The following NWD2 variants were observed in gnomAD, a reference collection of about 807,000 sequenced individuals.
The protein encoded by NWD2 is NACHT and WD repeat domain-containing protein 2.
NWD2 carries 37 observed loss-of-function variants against 132.7 expected under a neutral mutation model. That is an observed-to-expected ratio of 0.28 (90% CI 0.21 to 0.37). The LOEUF is 0.37. Ranked by LOEUF, NWD2 falls within the 10% of genes least tolerant of loss-of-function variation. The pLI, the probability that NWD2 is intolerant of heterozygous loss-of-function variation, is 1.00. For missense variants in NWD2, 1,592 were observed against 2,122.4 expected, an observed-to-expected ratio of 0.75 and a Z score of 4.91; for synonymous variants, 705 against 803.0, an observed-to-expected ratio of 0.88 and a Z score of 2.06.
At chr4:37,339,968 T>C (rs887723511) in intron 2 of NWD2, among the ~76,000 whole-genome samples, 4 of 151,484 alleles carry the variant, frequency 2.6e-5, no homozygotes, top group African/African-American at 9.7e-5. Flanking sequence ...TTTTTTTTTT[T>C]CACTGAAGAT....
intron 3 of NWD2, among the ~76,000 whole-genome samples, chr4:37,412,575 C>G (rs543843030): frequency 6.6e-6 from 1 of 152,222 alleles, no homozygotes; most frequent in South Asian, 2.1e-4. Flanking sequence ...TTTATAGATA[C>G]AATGCTATCC....
Position 37,430,716 on chromosome 4 carries a change from G to A in NWD2, c.502G>A (p.Val168Met), listed in dbSNP as rs1328182426. Residue 168 changes from valine to methionine, a missense_variant, in exon 4 of 7, where the codon GTG becomes ATG. Val to Met is a conservative substitution (Grantham distance 21). Coordinates refer to ENST00000309447, the MANE Select transcript of NWD2 (RefSeq NM_001144990.2). ...GTGGTACTGTCGAGATGAGAACTCG[G>A]TGCCAGCAGCCTATTACCTCAGACC... ...EEWYCRDENS[V>M]PAAYYLRPKS... The A allele has an allele frequency of 3.2e-6, 5 of 1,551,652 alleles. No individual in the cohort carries two copies. The East Asian group carries it at 1.2e-4, about 38-fold the overall frequency.
chr4:37,342,374 G>T (rs934894343), intron 2 of NWD2, among the ~76,000 whole-genome samples: 2 of 152,010 alleles, frequency 1.3e-5, no homozygotes, highest in Non-Finnish European at 2.9e-5. Context: ...AGATGCTGGC[G>T]CTATGCTCAT....
intron 3 of NWD2, among the ~76,000 whole-genome samples, chr4:37,430,086 G>C (rs943785171): frequency 6.6e-6 from 1 of 152,066 alleles, no homozygotes; most frequent in Non-Finnish European, 1.5e-5. Context: ...GTTGCCAGTG[G>C]GGTTACTAGT....
At chr4:37,366,438 A>T (rs1439220915) in intron 3 of NWD2, among the ~76,000 whole-genome samples, 1 of 152,198 alleles carries the variant, frequency 6.6e-6, no homozygotes, top group Non-Finnish European at 1.5e-5. Flanking sequence ...GAATACCATG[A>T]AAATTACAAG....
At chr4:37,316,857 T>C (rs1392245289) in intron 1 of NWD2, among the ~76,000 whole-genome samples, 3 of 152,182 alleles carry the variant, frequency 2.0e-5, no homozygotes, top group African/African-American at 7.2e-5. Flanking sequence ...ATAACAATTC[T>C]AGATCCTGAT....
intron 1 of NWD2, among the ~76,000 whole-genome samples, chr4:37,263,667 G>C (rs1321441949): frequency 6.6e-6 from 1 of 151,618 alleles, no homozygotes; most frequent in Non-Finnish European, 1.5e-5. Flanking sequence ...TGATGATTTA[G>C]AGTAGAAGTA....
chr4:37,260,342 T>C (rs1717604189), intron 1 of NWD2, among the ~76,000 whole-genome samples: 1 of 152,154 alleles, frequency 6.6e-6, no homozygotes, highest in African/African-American at 2.4e-5. Context: ...GACAAACAGG[T>C]TCTCTGGGGC....
intron 1 of NWD2, among the ~76,000 whole-genome samples, chr4:37,259,638 A>T (rs951695415): frequency 6.6e-6 from 1 of 152,118 alleles, no homozygotes; most frequent in Non-Finnish European, 1.5e-5. Flanking sequence ...GCCTGAGGCT[A>T]CCCTGTTACT....
chr4:37,246,960 T>C (rs540731684), intron 1 of NWD2, among the ~76,000 whole-genome samples: 1 of 152,346 alleles, frequency 6.6e-6, no homozygotes, highest in African/African-American at 2.4e-5. Flanking sequence ...TGTCATTTTT[T>C]TAAGCCTGTC....
intron 1 of NWD2, among the ~76,000 whole-genome samples, chr4:37,297,859 T>C (rs1718527451): frequency 6.6e-6 from 1 of 152,150 alleles, no homozygotes; most frequent in South Asian, 2.1e-4. Context: ...TGAAGTTGGT[T>C]TGTTCCATTT....
chr4:37,435,629 A>G (rs1207497883), intron 5 of NWD2, among the ~76,000 whole-genome samples: 4 of 152,104 alleles, frequency 2.6e-5, no homozygotes, highest in East Asian at 1.9e-4. Flanking sequence ...AAAAAACACC[A>G]GTCTGGGGAA....
chr4:37,255,719 C>G (rs973740707), intron 1 of NWD2, among the ~76,000 whole-genome samples: 4 of 152,124 alleles, frequency 2.6e-5, no homozygotes, highest in African/African-American at 9.7e-5. Context: ...GACTGAGGCC[C>G]TGGGACAATG....
chr4:37,306,385 C>A (rs1186370563), intron 1 of NWD2, among the ~76,000 whole-genome samples: 1 of 151,550 alleles, frequency 6.6e-6, no homozygotes, highest in Admixed American at 6.6e-5. Context: ...TCTTGCTTTT[C>A]TGATAGCTTG....
Position 37,386,764 on chromosome 4 carries a change from CATGGGGTGGGT to C in NWD2, c.357+30283_357+30293del, listed in dbSNP as rs1560409853. Among the ~76,000 whole-genome samples the C allele has an allele frequency of 4.3e-4, 66 of 151,992 alleles. 2 individuals carry two copies. The highest frequency in any genetic ancestry group is 1.6e-3 in the African/African-American group (66 of 41,294). On this transcript the variant is annotated intron_variant, in intron 3 of 6. Coordinates refer to ENST00000309447, the MANE Select transcript of NWD2 (RefSeq NM_001144990.2). Reference sequence around the variant, plus strand: ...AAGGTGGGACCTAGTGGGAGGTGTTCATGGGGTGGGTCTCTCATGAATGAGTTGGTACCATT... The same window carrying C: ...AAGGTGGGACCTAGTGGGAGGTGTTCCTCTCATGAATGAGTTGGTACCATT...
intron 1 of NWD2, among the ~76,000 whole-genome samples, chr4:37,253,085 G>A (rs1156657114): frequency 6.6e-6 from 1 of 151,512 alleles, no homozygotes; most frequent in Non-Finnish European, 1.5e-5. Flanking sequence ...ATAATCCAGG[G>A]GCACTGCAAG....
intron 1 of NWD2, among the ~76,000 whole-genome samples, chr4:37,268,552 G>A (rs1717805691): frequency 6.6e-6 from 1 of 151,862 alleles, no homozygotes; most frequent in South Asian, 2.1e-4. Context: ...TAGTTAATAT[G>A]CGGTTATCAC....
intron 2 of NWD2, 73 bp from the exon 3 acceptor site, chr4:37,356,293 C>A: frequency 1.3e-6 from 1 of 753,184 alleles, no homozygotes; most frequent in South Asian, 2.4e-5. Flanking sequence ...AGTTAAAAGT[C>A]ACATTAGCTT....
In NWD2 at chr4:37,348,675, T is replaced by TATATATACAC. The variant is rs1308407988; in HGVS notation, c.241-7690_241-7689insTATATACACA. ...ATATATATATATATATATATATATATACACACACACACACACACACACACA... is the reference window on the plus strand; with the variant it reads ...ATATATATATATATATATATATATATATATATACACACACACACACACACACACACACACA... On this transcript the variant is annotated intron_variant, in intron 2 of 6. Transcript: ENST00000309447. 9.2e-3 allele frequency among the ~76,000 whole-genome samples: 206 copies of TATATATACAC among 22,504 alleles called. 6 individuals are homozygous for TATATATACAC. Among genetic ancestry groups the TATATATACAC allele is most frequent in the East Asian group, 0.015 (8 of 532 alleles). 14.8% of individuals were successfully genotyped at this position (22,504 alleles called of 152,430 possible). A position where few individuals can be genotyped will look rare whatever the true frequency, so the allele number is the denominator to read the frequency against.
Sources: gnomAD v4.1 joint callset for allele counts (sites outside exome capture counted in the v4.1 genomes callset) on GRCh38, gnomAD v4.1.1 for gene constraint, MANE v1.5 for transcripts, NCBI Gene and HGNC (gene_info 2026-07-23, HGNC 2026-07-21) for gene names.